Variants in BDP1 observed in about 807,000 individuals in gnomAD.
The protein encoded by BDP1 is BDP1 general transcription factor IIIB subunit.
A neutral mutation model predicts 266.6 loss-of-function variants in BDP1; 169 were observed. The observed-to-expected ratio is 0.63, with a 90% confidence interval of 0.56 to 0.72. The LOEUF (loss-of-function observed/expected upper bound fraction) is 0.72, where lower values mean the gene tolerates loss of function less well. Ranked by LOEUF, BDP1 falls within the 30% of genes least tolerant of loss-of-function variation. The pLI is 0.00. For synonymous variants in BDP1, 1,090 were observed against 1,022.4 expected, an observed-to-expected ratio of 1.07 and a Z score of -1.26; for missense variants, 3,015 against 3,053.8, an observed-to-expected ratio of 0.99 and a Z score of 0.30.
chr5:71,540,037 A>G (rs1056067056), intron 28 of BDP1, among the ~76,000 whole-genome samples: 1 of 152,130 alleles, frequency 6.6e-6, no homozygotes, highest in Non-Finnish European at 1.5e-5. Flanking sequence ...TTGGGATGGT[A>G]TTCACAATTA....
chr5:71,547,203 T>C (rs1228912806), intron 32 of BDP1, among the ~76,000 whole-genome samples: 1 of 151,986 alleles, frequency 6.6e-6, no homozygotes, highest in Admixed American at 6.6e-5. Context: ...GGCTCTCACA[T>C]TGCATTTGAT....
intron 33 of BDP1, 122 bp downstream of exon 33, chr5:71,548,867 C>A (rs886754616): frequency 2.8e-6 from 2 of 726,542 alleles, no homozygotes; most frequent in South Asian, 3.8e-5. Context: ...AAATTTAAAA[C>A]GTTTTATAGA....
chr5:71,501,088 C>A (rs1295730884), intron 13 of BDP1, among the ~76,000 whole-genome samples: 30 of 130,330 alleles, frequency 2.3e-4, no homozygotes, highest in Admixed American at 1.5e-4. Context: ...CAGAGCATGA[C>A]CCTGTCTCAA....
At chr5:71,549,304 A>G (rs1742575311) in intron 33 of BDP1, 116 bp from the exon 34 acceptor site, 2 of 852,956 alleles carry the variant, frequency 2.3e-6, no homozygotes, top group African/African-American at 1.7e-5. Context: ...GCATTTATTT[A>G]TTTAGTCTTG....
intron 13 of BDP1, among the ~76,000 whole-genome samples, chr5:71,498,387 C>T (rs1194348560): frequency 6.6e-6 from 1 of 152,058 alleles, no homozygotes; most frequent in African/African-American, 2.4e-5. Flanking sequence ...TGAGCCAGCT[C>T]ACCTGGTCAA....
intron 10 of BDP1, 102 bp downstream of exon 10, chr5:71,489,784 T>A: frequency 2.8e-5 from 27 of 952,882 alleles, no homozygotes; most frequent in South Asian, 5.1e-5. Flanking sequence ...CAATTAATGA[T>A]GCTTATTAAT....
intron 13 of BDP1, among the ~76,000 whole-genome samples, chr5:71,500,222 T>A (rs1764142010): frequency 6.6e-6 from 1 of 151,902 alleles, no homozygotes; most frequent in Non-Finnish European, 1.5e-5. Flanking sequence ...TTGTAGAAAA[T>A]TTGGAAAATA....
At chr5:71,494,218 A>G (rs1344594624) in intron 11 of BDP1, among the ~76,000 whole-genome samples, 2 of 152,234 alleles carry the variant, frequency 1.3e-5, no homozygotes, top group African/African-American at 4.8e-5. Flanking sequence ...AGTCAGGAAA[A>G]CATAAACACC....
chr5:71,486,849 C>G (rs1019194718), intron 9 of BDP1, among the ~76,000 whole-genome samples: 6 of 152,132 alleles, frequency 3.9e-5, no homozygotes, highest in Non-Finnish European at 5.9e-5. Flanking sequence ...TTTGATATCT[C>G]TCTAGCATAG....
chr5:71,539,203 T>C (rs1766811208), intron 27 of BDP1, 125 bp downstream of exon 27: 2 of 645,172 alleles, frequency 3.1e-6, no homozygotes, highest in Admixed American at 6.6e-5. Flanking sequence ...CTATTGAATG[T>C]GTTGTCTCTG....
At chr5:71,470,517 T>C (rs1762174218) in intron 7 of BDP1, 28 bp downstream of exon 7, 3 of 1,401,810 alleles carry the variant, frequency 2.1e-6, no homozygotes, top group Non-Finnish European at 3.0e-6. Context: ...CATTTGTTGA[T>C]TGGAAAGAGA....
chr5:71,550,917 G>A (rs1742695847), intron 34 of BDP1, among the ~76,000 whole-genome samples: 1 of 152,044 alleles, frequency 6.6e-6, no homozygotes, highest in Admixed American at 6.5e-5. Flanking sequence ...TGTTGACCAG[G>A]CTGGTCTCAA....
chr5:71,548,792 AT>A, intron 33 of BDP1, 47 bp downstream of exon 33: 1 of 1,298,820 alleles, frequency 7.7e-7, no homozygotes, highest in Non-Finnish European at 1.1e-6. Context: ...TAGTTGTATG[AT>A]TTTTACCCCT....
chr5:71,467,394 G>A lies in BDP1; in HGVS notation c.826G>A (p.Val276Ile). 1 of 1,610,598 alleles carries A rather than the reference G, an allele frequency of 6.2e-7. No individual in the cohort carries two copies. Residue 276 changes from valine to isoleucine, a missense_variant, in exon 6 of 39, where the codon GTT (valine) becomes ATT (isoleucine). By Grantham distance (29) the Val-to-Ile change is conservative (BLOSUM62 3). Around this residue, in one of 3 missense-constraint regions of BDP1, gnomAD observed 2,383 missense variants for 2,404.9 expected, o/e 0.99. Transcript: ENST00000358731. The part of the protein sequence containing the change: ...EVLRTKGPCV[V>I]EENDPIFERG... Reference sequence around the variant, plus strand: ...TTTAAGAACAAAAGGCCCTTGTGTTGTTGAAGAAAATGACCCCATATTTGA... The same window carrying A: ...TTTAAGAACAAAAGGCCCTTGTGTTATTGAAGAAAATGACCCCATATTTGA...
chr5:71,503,266 C>A (rs1764371670), intron 15 of BDP1, among the ~76,000 whole-genome samples: 1 of 152,126 alleles, frequency 6.6e-6, no homozygotes, highest in African/African-American at 2.4e-5. Flanking sequence ...GGATTACAGG[C>A]ATGAGCCACT....
At chr5:71,514,881 G>C in intron 19 of BDP1, 63 bp from the exon 20 acceptor site, 3 of 1,203,902 alleles carry the variant, frequency 2.5e-6, no homozygotes, top group Non-Finnish European at 3.5e-6. Flanking sequence ...GTTTATACTT[G>C]TAAAGTTCTT....
rs1766809098 is a variant in BDP1 at position 71,539,149 on chromosome 5, A to G, written c.5929+71A>G. Reference sequence around the variant, plus strand: ...AGTACAGTGATTTAATAGTGGGGATAATAAATGAATCAGTTTGCTGGAGAG... The same window carrying G: ...AGTACAGTGATTTAATAGTGGGGATGATAAATGAATCAGTTTGCTGGAGAG... On this transcript the variant is annotated intron_variant, in intron 27 of 38. Transcript: ENST00000358731. 1.9e-5 allele frequency: 19 copies of G among 1,024,272 alleles called. No homozygotes were observed. The South Asian group carries it at 2.8e-4, about 15-fold the overall frequency. 63.4% of individuals were successfully genotyped at this position (1,024,272 alleles called of 1,614,324 possible).
chr5:71,526,597 C>G (rs1391738171), intron 25 of BDP1, among the ~76,000 whole-genome samples: 2 of 109,164 alleles, frequency 1.8e-5, no homozygotes, highest in Non-Finnish European at 3.4e-5. Context: ...GCCTGGGAGA[C>G]AGAGCGAGAC....
At chr5:71,530,940 G>A (rs1766206254) in intron 25 of BDP1, among the ~76,000 whole-genome samples, 1 of 152,084 alleles carries the variant, frequency 6.6e-6, no homozygotes, top group Admixed American at 6.5e-5. Context: ...TAGGCATGGT[G>A]GCACATGCCT....
Sources: allele counts gnomAD v4.1 joint callset (sites outside exome capture counted in the v4.1 genomes callset), GRCh38; gene constraint gnomAD v4.1.1; regional missense constraint gnomAD v4.1.1; transcripts MANE v1.5; gene names NCBI Gene and HGNC (gene_info 2026-07-23, HGNC 2026-07-21).